Variants in TBC1D15 observed in about 807,000 individuals in gnomAD.
TBC1D15 encodes the protein GAP for RAB7.
TBC1D15 carries 39 observed loss-of-function variants against 95.4 expected under a neutral mutation model. The ratio of observed to expected loss-of-function variants is 0.41; its 90% CI spans 0.32 to 0.53. The LOEUF (loss-of-function observed/expected upper bound fraction) is 0.53. TBC1D15 is among the 20% of genes least tolerant of loss of function. The pLI is 0.29. For synonymous variants in TBC1D15, 258 were observed against 261.3 expected (o/e 0.99, Z 0.12); for missense variants, 733 against 794.3 (o/e 0.92, Z 0.93).
intron 1 of TBC1D15, among the ~76,000 whole-genome samples, chr12:71,851,915 CA>C (rs1175262981): frequency 6.6e-6 from 1 of 152,170 alleles, no homozygotes; most frequent in Non-Finnish European, 1.5e-5. Context: ...GCCTGAAGGA[CA>C]GTGGCCCTCT....
chr12:71,914,040 A>G, intron 12 of TBC1D15, 114 bp downstream of exon 12: 1 of 702,174 alleles, frequency 1.4e-6, no homozygotes. Context: ...TAAAAAAATT[A>G]CCTCATGCCT....
At chr12:71,907,286 A>G (rs1900960341) in intron 11 of TBC1D15, 148 bp downstream of exon 11, 5 of 497,034 alleles carry the variant, frequency 1.0e-5, no homozygotes, top group Admixed American at 3.7e-5. Flanking sequence ...TTACAAGGCT[A>G]TGGTTCTCAA....
At chr12:71,858,145 T>C (rs942934364) in intron 1 of TBC1D15, among the ~76,000 whole-genome samples, 2 of 152,088 alleles carry the variant, frequency 1.3e-5, no homozygotes, top group African/African-American at 4.8e-5. Context: ...TGACCTCGGC[T>C]CACCGCAGCC....
intron 11 of TBC1D15, among the ~76,000 whole-genome samples, chr12:71,912,864 A>T (rs892762428): frequency 6.6e-6 from 1 of 152,144 alleles, no homozygotes. Context: ...AAAAAGGCTT[A>T]GTATAAGTTC....
chr12:71,920,820 G>A lies in TBC1D15; in HGVS notation c.1689G>A (p.Lys563=), dbSNP rs755606653. The change falls in exon 15 of 17, where the codon AAG becomes AAA. Residue 563 remains lysine, a synonymous_variant. Coordinates refer to ENST00000485960, the MANE Select transcript of TBC1D15 (RefSeq NM_001146213.3). ...LESEKQQIME[K]HYGFNEILKH... ...CAGAAAAGCAGCAAATAATGGAAAA[G>A]CATTATGGCTTCAATGAAATACTTA... The A allele has an allele frequency of 1.2e-6, 2 of 1,610,608 alleles. No individual in the cohort carries two copies. The highest frequency in any genetic ancestry group is 1.7e-6 in the Non-Finnish European group (2 of 1,178,174).
intron 1 of TBC1D15, among the ~76,000 whole-genome samples, chr12:71,869,764 C>A (rs1892272434): frequency 6.6e-6 from 1 of 151,624 alleles, no homozygotes; most frequent in Admixed American, 6.6e-5. Flanking sequence ...TTTTTGTGTT[C>A]CTAGGTATGA....
intron 1 of TBC1D15, among the ~76,000 whole-genome samples, chr12:71,858,701 T>G (rs1181059505): frequency 6.6e-6 from 1 of 151,770 alleles, no homozygotes; most frequent in Non-Finnish European, 1.5e-5. Flanking sequence ...ACTACAAGCA[T>G]GTGCCACCAT....
intron 1 of TBC1D15, among the ~76,000 whole-genome samples, chr12:71,845,409 T>A (rs1324604224): frequency 6.6e-6 from 1 of 152,194 alleles, no homozygotes; most frequent in Non-Finnish European, 1.5e-5. Flanking sequence ...AGGAGAAGGT[T>A]CGAGGGACTT....
At chr12:71,920,062 G>A (rs1868663000) in intron 14 of TBC1D15, among the ~76,000 whole-genome samples, 4 of 152,098 alleles carry the variant, frequency 2.6e-5, no homozygotes, top group Admixed American at 2.6e-4. Context: ...GTTTGTGTGG[G>A]TGTTTTTATC....
At chr12:71,854,494 C>T (rs192088922) in intron 1 of TBC1D15, 91 of 448,588 alleles carry the variant, frequency 2.0e-4, no homozygotes, top group African/African-American at 1.3e-3. Flanking sequence ...GTTTTTTCTC[C>T]CAAGATTTTA....
intron 16 of TBC1D15, among the ~76,000 whole-genome samples, chr12:71,921,819 TAAATC>T (rs1172132650): frequency 5.3e-5 from 8 of 152,364 alleles, no homozygotes; most frequent in Admixed American, 3.3e-4. Flanking sequence ...CAGAAATAAT[TAAATC>T]AATATTATTT....
chr12:71,858,944 A>G (rs747645228), intron 1 of TBC1D15, among the ~76,000 whole-genome samples: 5 of 149,394 alleles, frequency 3.3e-5, no homozygotes, highest in Middle Eastern at 3.6e-3. Context: ...TATAAGAGTT[A>G]TCTTTTCTCC....
At chr12:71,888,844 CT>C (rs112009881) in intron 5 of TBC1D15, among the ~76,000 whole-genome samples, 5,145 of 118,518 alleles carry the variant, frequency 0.043, 206 homozygotes, top group African/African-American at 0.13. Context: ...ATACATGTTT[CT>C]TTTTTTTTTT....
At chr12:71,873,907 C>T (rs1893216979) in intron 3 of TBC1D15, among the ~76,000 whole-genome samples, 1 of 152,140 alleles carries the variant, frequency 6.6e-6, no homozygotes, top group Non-Finnish European at 1.5e-5. Flanking sequence ...CTTCTGAGGG[C>T]TGTTAGGGAG....
At chr12:71,879,471 G>T (rs1263430696) in intron 3 of TBC1D15, among the ~76,000 whole-genome samples, 2 of 152,076 alleles carry the variant, frequency 1.3e-5, no homozygotes, top group African/African-American at 4.8e-5. Flanking sequence ...TATCTTTCCA[G>T]ACTTTTACCT....
intron 1 of TBC1D15, chr12:71,854,537 C>T (rs754222148): frequency 2.2e-6 from 1 of 456,196 alleles, no homozygotes; most frequent in South Asian, 1.6e-5. Context: ...CATTAATTCT[C>T]TTTTCTGTTC....
At chr12:71,893,452 G>A (rs1897578374) in intron 6 of TBC1D15, 128 bp downstream of exon 6, 2 of 442,182 alleles carry the variant, frequency 4.5e-6, no homozygotes, top group Non-Finnish European at 7.8e-6. Flanking sequence ...GTGTGTGTGT[G>A]TGTGTAATCT....
chr12:71,871,591 A>G (rs886292818), intron 1 of TBC1D15, among the ~76,000 whole-genome samples: 26 of 151,850 alleles, frequency 1.7e-4, no homozygotes, highest in African/African-American at 5.6e-4. Flanking sequence ...TATTTTTTTG[A>G]TTTTTTATAG....
At chr12:71,852,321 T>C (rs1888025529) in intron 1 of TBC1D15, among the ~76,000 whole-genome samples, 1 of 152,186 alleles carries the variant, frequency 6.6e-6, no homozygotes, top group South Asian at 2.1e-4. Context: ...CATTTTTCCC[T>C]CCTATGCGTT....
Sources: gnomAD v4.1 joint callset for allele counts (sites outside exome capture counted in the v4.1 genomes callset) on GRCh38, gnomAD v4.1.1 for gene constraint, MANE v1.5 for transcripts, NCBI Gene and HGNC (gene_info 2026-07-23, HGNC 2026-07-21) for gene names.